EYS: variants seen among roughly 807,000 people sequenced by gnomAD.
The protein encoded by EYS is protein eyes shut homolog.
In EYS, 250 loss-of-function variants were observed where a neutral mutation model predicts 282.1. The ratio of observed to expected loss-of-function variants is 0.89; its 90% CI spans 0.80 to 0.98. The LOEUF (loss-of-function observed/expected upper bound fraction) is 0.98, where lower values mean the gene tolerates loss of function less well. EYS is among the 50% of genes least tolerant of loss of function. The pLI, the probability that EYS is intolerant of heterozygous loss-of-function variation, is 0.00. For missense variants in EYS, 4,016 were observed against 3,709.0 expected (o/e 1.08, Z -2.15); for synonymous variants, 1,355 against 1,282.9 (o/e 1.06, Z -1.20).
At chr6:65,377,745 A>G (rs927075624) in intron 8 of EYS, among the ~76,000 whole-genome samples, 3 of 152,126 alleles carry the variant, frequency 2.0e-5, no homozygotes, top group African/African-American at 7.2e-5. Flanking sequence ...TACTATAAGC[A>G]CCTCTATGCA....
At chr6:65,646,765 A>C (rs1200873201) in intron 1 of EYS, among the ~76,000 whole-genome samples, 1 of 152,216 alleles carries the variant, frequency 6.6e-6, no homozygotes, top group Non-Finnish European at 1.5e-5. Flanking sequence ...TATACCTAGA[A>C]AACCCTAAAG....
chr6:64,345,232 C>T (rs980477584), intron 29 of EYS, among the ~76,000 whole-genome samples: 41 of 152,110 alleles, frequency 2.7e-4, no homozygotes, highest in African/African-American at 9.4e-4. Flanking sequence ...AAAAAGAGCC[C>T]ACATTGCCAA....
chr6:65,370,348 G>A (rs2150341000), intron 8 of EYS, among the ~76,000 whole-genome samples: 1 of 142,610 alleles, frequency 7.0e-6, no homozygotes, highest in Non-Finnish European at 1.5e-5. Flanking sequence ...CTTAATTCCT[G>A]GGCTCAAAGT....
chr6:64,671,011 T>G (rs1769439419), intron 22 of EYS, among the ~76,000 whole-genome samples: 1 of 151,882 alleles, frequency 6.6e-6, no homozygotes, highest in South Asian at 2.1e-4. Context: ...CCAGACCTAC[T>G]ATTTCCTCCT....
chr6:64,789,749 G>T (rs1237934860), intron 22 of EYS, among the ~76,000 whole-genome samples: 1 of 152,028 alleles, frequency 6.6e-6, no homozygotes, highest in Admixed American at 6.6e-5. Flanking sequence ...GCTCTTTAAA[G>T]AATCCTTGTG....
intron 13 of EYS, among the ~76,000 whole-genome samples, chr6:65,015,153 A>G (rs1255034350): frequency 2.0e-5 from 3 of 152,202 alleles, no homozygotes; most frequent in Non-Finnish European, 4.4e-5. Context: ...ATAAAATAAT[A>G]AACTTGTGCA....
At chr6:64,563,213 G>A (rs768262579) in intron 26 of EYS, among the ~76,000 whole-genome samples, 4 of 151,974 alleles carry the variant, frequency 2.6e-5, no homozygotes, top group Non-Finnish European at 4.4e-5. Flanking sequence ...GGTTATTACT[G>A]GAACATATTT....
At chr6:65,041,415 T>A (rs1266538384) in intron 13 of EYS, among the ~76,000 whole-genome samples, 1 of 151,772 alleles carries the variant, frequency 6.6e-6, no homozygotes, top group East Asian at 1.9e-4. Flanking sequence ...TCTACATTCC[T>A]CTGCCTTAGA....
rs115531255 is a variant in EYS at position 64,685,232 on chromosome 6, C to T, written c.3444-58987G>A. 9.7e-3 allele frequency among the ~76,000 whole-genome samples: 1,469 copies of T among 152,030 alleles called. 9 individuals are homozygous for T. Among genetic ancestry groups the T allele is most frequent in the Non-Finnish European group, 0.015 (1,000 of 67,958 alleles). Reference sequence around the variant, plus strand: ...AAATTTATCAGAAAAATATATTAATCCTAAATATGCACATACTTAAAAGAA... The same window carrying T: ...AAATTTATCAGAAAAATATATTAATTCTAAATATGCACATACTTAAAAGAA... On this transcript the variant is annotated intron_variant, in intron 22 of 42. Coordinates refer to ENST00000503581, the MANE Select transcript of EYS (RefSeq NM_001142800.2).
At position 64,197,224 on chromosome 6, in the gene EYS, C is replaced by G. The variant is rs111865625; in HGVS notation, c.6424+33368G>C. Among the ~76,000 whole-genome samples, 1,225 of 152,182 alleles carry G rather than the reference C, an allele frequency of 8.0e-3. 12 individuals are homozygous for G. The highest frequency in any genetic ancestry group is 0.044 in the Middle Eastern group (13 of 294). On this transcript the variant is annotated intron_variant, in intron 31 of 42. Coordinates refer to ENST00000503581, the MANE Select transcript of EYS (RefSeq NM_001142800.2). ...AATTTCTATGAAATATTTTGTTTTT[C>G]CATCTACCCTCTGCTGTTGAGAGAG...
intron 28 of EYS, among the ~76,000 whole-genome samples, chr6:64,406,066 A>G (rs1773695650): frequency 6.6e-6 from 1 of 152,180 alleles, no homozygotes; most frequent in South Asian, 2.1e-4. Flanking sequence ...ACTGTACTAC[A>G]AGTTCACAGT....
At position 64,886,841 on chromosome 6, in the gene EYS, A is replaced by T. The variant is rs1274173162; in HGVS notation, c.2848T>A (p.Phe950Ile). The T allele has an allele frequency of 1.3e-6, 2 of 1,514,948 alleles. No individual in the cohort carries two copies. The highest frequency in any genetic ancestry group is 2.5e-5 in the East Asian group (1 of 39,316). The allele number at this position is 1,514,948 out of a possible 1,614,324, so 93.8% of individuals were successfully genotyped here. Residue 950 changes from phenylalanine to isoleucine, a missense_variant and splice_region_variant, in exon 19 of 43, where the codon TTT becomes ATT. Transcript: ENST00000503581. ...TACTCAGGTTCACAATTACAAAAAAATCTGGAGAAAAGTGGAGAAATGAGG... is the reference window on the plus strand; with the variant it reads ...TACTCAGGTTCACAATTACAAAAAATTCTGGAGAAAAGTGGAGAAATGAGG... ...NGTCVDLTNRFFCNCEPEYHG... is the reference protein window; with the variant it reads ...NGTCVDLTNRIFCNCEPEYHG...
At chr6:64,425,286 T>A (rs1006474999) in intron 28 of EYS, among the ~76,000 whole-genome samples, 4 of 152,016 alleles carry the variant, frequency 2.6e-5, no homozygotes, top group South Asian at 2.1e-4. Context: ...TATGTTTTTT[T>A]AAAAAACACC....
chr6:65,614,500 A>T (rs1388352861), intron 2 of EYS, among the ~76,000 whole-genome samples: 1 of 152,086 alleles, frequency 6.6e-6, no homozygotes, highest in African/African-American at 2.4e-5. Flanking sequence ...TGTTGGATGT[A>T]GTCCAATGAA....
intron 8 of EYS, among the ~76,000 whole-genome samples, chr6:65,376,285 A>T (rs558346321): frequency 1.3e-5 from 2 of 152,286 alleles, no homozygotes; most frequent in Non-Finnish European, 2.9e-5. Context: ...TAAGTTTCAT[A>T]AGTGGAGGAG....
chr6:63,772,435 G>T (rs908699100), intron 40 of EYS, among the ~76,000 whole-genome samples: 1 of 151,864 alleles, frequency 6.6e-6, no homozygotes, highest in South Asian at 2.1e-4. Flanking sequence ...TTGTTCATTT[G>T]GTTTATATAT....
chr6:65,571,842 A>G (rs958731841), intron 2 of EYS, among the ~76,000 whole-genome samples: 3 of 152,210 alleles, frequency 2.0e-5, no homozygotes, highest in South Asian at 2.1e-4. Context: ...TTATGGATAT[A>G]GGGTTTAATA....
rs745511271 is a variant in EYS at position 63,936,137 on chromosome 6, G to A, written c.7055+48246C>T. On this transcript the variant is annotated intron_variant, in intron 35 of 42. Coordinates refer to ENST00000503581, the MANE Select transcript of EYS (RefSeq NM_001142800.2). ...AGATGCCTGCTCAGGAATCTGCTTA[G>A]CTCTCCAGGATGGGGGTCTCACATT... Among the ~76,000 whole-genome samples the A allele has an allele frequency of 2.6e-5, 4 of 152,168 alleles. No individual in the cohort carries two copies. In the East Asian group the frequency reaches 7.7e-4, roughly 29 times the overall value.
chr6:63,827,850 CAAAAAAAAAAAA>C (rs58843584), intron 36 of EYS, among the ~76,000 whole-genome samples: 1,024 of 85,046 alleles, frequency 0.012, 20 homozygotes, highest in South Asian at 0.043. Context: ...GACTCCGTCT[CAAAAAAAAAAAA>C]AAAAAAAAAG....
Sources: gnomAD v4.1 joint callset for allele counts (sites outside exome capture counted in the v4.1 genomes callset) on GRCh38, gnomAD v4.1.1 for gene constraint, MANE v1.5 for transcripts, NCBI Gene and HGNC (gene_info 2026-07-23, HGNC 2026-07-21) for gene names.